Variants in CCDC15 observed in about 807,000 individuals in gnomAD.
The protein encoded by CCDC15 is coiled-coil domain-containing protein 15.
A neutral mutation model predicts 114.5 loss-of-function variants in CCDC15; 105 were observed. The ratio of observed to expected loss-of-function variants is 0.92; its 90% CI spans 0.78 to 1.08. The LOEUF (loss-of-function observed/expected upper bound fraction) is 1.08. Ranked by LOEUF, CCDC15 falls within the 50% of genes least tolerant of loss-of-function variation. CCDC15 has a pLI of 0.00. For synonymous variants in CCDC15, 334 were observed against 377.8 expected, an observed-to-expected ratio of 0.88 and a Z score of 1.34; for missense variants, 1,105 against 1,093.6, an observed-to-expected ratio of 1.01 and a Z score of -0.15.
chr11:125,002,754 T>C (rs1041266118), intron 11 of CCDC15, among the ~76,000 whole-genome samples: 1 of 152,144 alleles, frequency 6.6e-6, no homozygotes, highest in African/African-American at 2.4e-5. Context: ...CATTGATCTA[T>C]AGCATATCTA....
At chr11:125,028,233 G>A (rs1000236668) in intron 13 of CCDC15, among the ~76,000 whole-genome samples, 3 of 152,012 alleles carry the variant, frequency 2.0e-5, no homozygotes, top group African/African-American at 7.2e-5. Context: ...GTATTGCTTT[G>A]GCTATGTGGG....
chr11:124,999,116 G>A (rs1015463894), intron 11 of CCDC15, among the ~76,000 whole-genome samples: 6 of 151,912 alleles, frequency 3.9e-5, no homozygotes, highest in African/African-American at 9.7e-5. Flanking sequence ...TCCAGTCTTC[G>A]ATAGCAAATT....
intron 13 of CCDC15, among the ~76,000 whole-genome samples, chr11:125,032,422 A>G (rs1411191611): frequency 6.6e-6 from 1 of 152,202 alleles, no homozygotes; most frequent in East Asian, 1.9e-4. Flanking sequence ...CACCTGGTAC[A>G]GCAGCTGCAG....
intron 13 of CCDC15, among the ~76,000 whole-genome samples, chr11:125,021,694 A>G (rs1379577574): frequency 1.3e-5 from 2 of 151,764 alleles, no homozygotes; most frequent in Admixed American, 6.6e-5. Flanking sequence ...CTGTGAGGAG[A>G]GGAATAGCTA....
chr11:125,029,089 T>C lies in CCDC15; in HGVS notation c.2412-9342T>C, dbSNP rs958114331. Among the ~76,000 whole-genome samples the C allele has an allele frequency of 1.3e-5, 2 of 152,160 alleles. 1 individual carries two copies. The highest frequency in any genetic ancestry group is 4.8e-5 in the African/African-American group (2 of 41,434). On this transcript the variant is annotated intron_variant, in intron 13 of 15. Coordinates refer to ENST00000344762, the MANE Select transcript of CCDC15 (RefSeq NM_025004.3). Reference sequence around the variant, plus strand: ...TAGTCTGGGAGGCTAGGCCGGTCTTTCTTTTTACATTTTTCTGTCAGCTTA... The same window carrying C: ...TAGTCTGGGAGGCTAGGCCGGTCTTCCTTTTTACATTTTTCTGTCAGCTTA...
chr11:124,980,282 G>A (rs12282730), intron 6 of CCDC15, among the ~76,000 whole-genome samples: 30,825 of 151,998 alleles, frequency 0.2, 3,716 homozygotes, highest in African/African-American at 0.33. Flanking sequence ...TGCTGGCCTT[G>A]TAGAATAAGT....
At chr11:124,975,442 A>G (rs1947957375) in intron 5 of CCDC15, among the ~76,000 whole-genome samples, 1 of 152,174 alleles carries the variant, frequency 6.6e-6, no homozygotes, top group East Asian at 1.9e-4. Context: ...AAAGTTAAGA[A>G]AAAAGTTGGA....
chr11:124,962,088 A>T (rs1190934815), intron 4 of CCDC15, among the ~76,000 whole-genome samples: 1 of 152,176 alleles, frequency 6.6e-6, no homozygotes, highest in East Asian at 1.9e-4. Context: ...CAGTGACTTA[A>T]CTATTTTGAG....
chr11:125,012,330 T>A (rs1310108213), intron 13 of CCDC15, among the ~76,000 whole-genome samples: 1 of 152,204 alleles, frequency 6.6e-6, no homozygotes, highest in Non-Finnish European at 1.5e-5. Flanking sequence ...TCCCCTCTTA[T>A]CCAGGTCTAA....
At chr11:124,965,380 G>T (rs1215710486) in intron 4 of CCDC15, among the ~76,000 whole-genome samples, 1 of 152,200 alleles carries the variant, frequency 6.6e-6, no homozygotes, top group South Asian at 2.1e-4. Flanking sequence ...GAGGGTGTAT[G>T]TGTGGAGGAA....
At chr11:124,964,396 T>A (rs563857558) in intron 4 of CCDC15, among the ~76,000 whole-genome samples, 1 of 152,320 alleles carries the variant, frequency 6.6e-6, no homozygotes, top group East Asian at 1.9e-4. Context: ...TATTTTATTC[T>A]CTTTGAAGCA....
At chr11:125,024,511 A>G (rs1948682302) in intron 13 of CCDC15, among the ~76,000 whole-genome samples, 1 of 152,070 alleles carries the variant, frequency 6.6e-6, no homozygotes, top group Non-Finnish European at 1.5e-5. Flanking sequence ...TTTTCAGTGC[A>G]TGGGTCTCAT....
chr11:124,994,204 G>A (rs1448081045), intron 11 of CCDC15, among the ~76,000 whole-genome samples: 3 of 152,164 alleles, frequency 2.0e-5, no homozygotes, highest in Non-Finnish European at 1.5e-5. Flanking sequence ...GACGGCCACA[G>A]GATTTGCTTC....
At chr11:124,981,893 T>G (rs1181933974) in intron 6 of CCDC15, among the ~76,000 whole-genome samples, 6 of 152,196 alleles carry the variant, frequency 3.9e-5, no homozygotes. Flanking sequence ...GGTGCTGGGA[T>G]TACAGGCATG....
At chr11:125,015,806 C>T (rs970932349) in intron 13 of CCDC15, among the ~76,000 whole-genome samples, 2 of 152,086 alleles carry the variant, frequency 1.3e-5, no homozygotes, top group South Asian at 4.1e-4. Flanking sequence ...TTCTTGTGAG[C>T]ATAAATGAAA....
chr11:124,990,946 T>C (rs918966496), intron 8 of CCDC15, among the ~76,000 whole-genome samples: 1 of 152,244 alleles, frequency 6.6e-6, no homozygotes, highest in African/African-American at 2.4e-5. Context: ...GGTTGGACTT[T>C]TGTGGAATGG....
chr11:124,986,681 G>GTA, intron 6 of CCDC15, 61 bp from the exon 7 acceptor site: 1 of 1,399,488 alleles, frequency 7.1e-7, no homozygotes, highest in South Asian at 1.4e-5. Flanking sequence ...GTGTGTGTGT[G>GTA]TGTGTGTGTT....
intron 15 of CCDC15, among the ~76,000 whole-genome samples, chr11:125,039,897 G>C (rs1190039907): frequency 2.0e-5 from 3 of 152,220 alleles, no homozygotes; most frequent in Non-Finnish European, 1.5e-5. Context: ...TCAGTTCTCT[G>C]TGTTCTTTCC....
chr11:125,009,530 G>A (rs1428655508), intron 13 of CCDC15, among the ~76,000 whole-genome samples: 3 of 152,056 alleles, frequency 2.0e-5, no homozygotes, highest in East Asian at 1.9e-4. Flanking sequence ...TAGATTCAGG[G>A]GGTACAGGTG....
Sources: allele counts gnomAD v4.1 joint callset (sites outside exome capture counted in the v4.1 genomes callset), GRCh38; gene constraint gnomAD v4.1.1; transcripts MANE v1.5; gene names NCBI Gene and HGNC (gene_info 2026-07-23, HGNC 2026-07-21).